Variants in RGS12 observed in about 807,000 individuals in gnomAD.
RGS12 encodes regulator of G-protein signaling 12.
Under a neutral mutation model 120.1 loss-of-function variants are expected in RGS12, and 66 were observed. The ratio of observed to expected loss-of-function variants is 0.55; its 90% CI spans 0.45 to 0.67. The LOEUF is 0.67. Ranked by LOEUF, RGS12 falls within the 30% of genes least tolerant of loss-of-function variation. RGS12 has a pLI of 0.00. For synonymous variants in RGS12, 827 were observed against 804.7 expected, an observed-to-expected ratio of 1.03 and a Z score of -0.47; for missense variants, 1,859 against 1,957.7, an observed-to-expected ratio of 0.95 and a Z score of 0.95.
In RGS12 at chr4:3,317,742, G is replaced by T; in HGVS notation, c.1572G>T (p.Arg524Ser). Residue 524 changes from arginine (R) to serine (S), a missense_variant, in exon 2 of 18, where the codon AGG becomes AGT. Physicochemically the swap from Arg to Ser is moderately radical, Grantham distance 110 (BLOSUM62 -1). Around this residue, in one of 3 missense-constraint regions of RGS12, gnomAD observed 967 missense variants for 994.2 expected, o/e 0.97. Coordinates refer to ENST00000336727, the MANE Select transcript of RGS12 (RefSeq NM_001394154.1). ...SLRSSVPPSKRGTVGAGCGFN... is the reference protein window; with the variant it reads ...SLRSSVPPSKSGTVGAGCGFN... ...GGAGCTCAGTCCCCCCTTCCAAGAG[G>T]GGCACCGTGGGTGCTGGCTGTGGTT... The T allele has an allele frequency of 1.2e-6, 2 of 1,613,550 alleles. No individual in the cohort carries two copies. The highest frequency in any genetic ancestry group is 1.7e-6 in the Non-Finnish European group (2 of 1,180,012).
chr4:3,363,101 G>C (rs907156847), intron 3 of RGS12, among the ~76,000 whole-genome samples: 2 of 151,408 alleles, frequency 1.3e-5, no homozygotes, highest in African/African-American at 4.9e-5. Context: ...GTGTGTATGT[G>C]AGTGTGTGTG....
At chr4:3,402,652 T>G (rs1236984778) in intron 4 of RGS12, among the ~76,000 whole-genome samples, 2 of 152,118 alleles carry the variant, frequency 1.3e-5, no homozygotes, top group African/African-American at 4.8e-5. Flanking sequence ...CTGCGTTGGG[T>G]GGCGTCCTCT....
chr4:3,302,709 C>T (rs1015615229), intron 1 of RGS12, among the ~76,000 whole-genome samples: 2 of 152,146 alleles, frequency 1.3e-5, no homozygotes, highest in African/African-American at 2.4e-5. Flanking sequence ...CAGGCACAGC[C>T]GGAGTGTGGG....
intron 1 of RGS12, among the ~76,000 whole-genome samples, chr4:3,300,121 A>G (rs928054533): frequency 2.0e-5 from 3 of 152,220 alleles, no homozygotes; most frequent in Admixed American, 2.0e-4. Context: ...GGTCACCATT[A>G]GCGATGGTGC....
intron 17 of RGS12, among the ~76,000 whole-genome samples, chr4:3,437,874 T>TCCGC (rs1209881566): frequency 6.6e-6 from 1 of 152,100 alleles, no homozygotes; most frequent in Non-Finnish European, 1.5e-5. Context: ...AGTCACACCT[T>TCCGC]CCGCCCGCAG....
intron 14 of RGS12, 46 bp downstream of exon 14, chr4:3,425,606 A>T: frequency 1.7e-6 from 2 of 1,169,332 alleles, no homozygotes; most frequent in Non-Finnish European, 2.3e-6. Context: ...GAGTGGGTCC[A>T]GTGCAGGGGA....
At chr4:3,437,171 G>A (rs1199082140) in intron 17 of RGS12, among the ~76,000 whole-genome samples, 1 of 152,190 alleles carries the variant, frequency 6.6e-6, no homozygotes, top group Non-Finnish European at 1.5e-5. Flanking sequence ...GCCTGGGGCT[G>A]GCTGCCCTGC....
chr4:3,308,730 C>CT (rs944981250), intron 1 of RGS12, among the ~76,000 whole-genome samples: 1 of 152,234 alleles, frequency 6.6e-6, no homozygotes, highest in Non-Finnish European at 1.5e-5. Flanking sequence ...CTGCTCAGGG[C>CT]TTGGTGGGCC....
Position 3,316,999 on chromosome 4 carries a change from A to G in RGS12, c.829A>G (p.Met277Val). 1.2e-6 allele frequency: 2 copies of G among 1,613,790 alleles called. No homozygotes were observed. Among genetic ancestry groups the G allele is most frequent in the Non-Finnish European group, 8.5e-7 (1 of 1,179,992 alleles). ...CCACTCGCTGGTGACCATGAAGATC[A>G]TGCACGACTGTGTGCAGCTGAGCAC... Reference protein sequence around the residue: ...KIHSLVTMKIMHDCVQLSTDK... With the variant: ...KIHSLVTMKIVHDCVQLSTDK... Residue 277 changes from methionine to valine, a missense_variant, in exon 2 of 18, where the codon ATG becomes GTG. Physicochemically the swap from Met to Val is conservative, Grantham distance 21. Transcript: ENST00000336727.
upstream of RGS12, among the ~76,000 whole-genome samples, chr4:3,290,372 GTCC>G (rs1722982305): frequency 6.6e-6 from 1 of 152,152 alleles, no homozygotes; most frequent in African/African-American, 2.4e-5. Flanking sequence ...AATAACTTCT[GTCC>G]TCTTCTCCCC....
chr4:3,333,148 C>T (rs1712058768), intron 2 of RGS12, among the ~76,000 whole-genome samples: 1 of 151,432 alleles, frequency 6.6e-6, no homozygotes, highest in East Asian at 1.9e-4. Context: ...CCCCAGGGTT[C>T]ACGCCATTCT....
intron 1 of RGS12, among the ~76,000 whole-genome samples, chr4:3,308,644 T>C (rs1179663809): frequency 6.6e-6 from 1 of 152,248 alleles, no homozygotes; most frequent in African/African-American, 2.4e-5. Context: ...CTTAGGTGTC[T>C]GGTGGCAGAT....
intron 3 of RGS12, among the ~76,000 whole-genome samples, chr4:3,377,617 T>A (rs1013393589): frequency 2.6e-5 from 4 of 152,344 alleles, no homozygotes; most frequent in Admixed American, 2.6e-4. Context: ...TTTTGTCTAG[T>A]GTTACTAACA....
chr4:3,341,045 G>A (rs2108767981), intron 2 of RGS12, among the ~76,000 whole-genome samples: 1 of 151,440 alleles, frequency 6.6e-6, no homozygotes, highest in Non-Finnish European at 1.5e-5. Context: ...GGCCTGGTGG[G>A]GGCCCAGTGG....
At chr4:3,420,438 G>A (rs558857114) in intron 9 of RGS12, 2 of 630,254 alleles carry the variant, frequency 3.2e-6, no homozygotes, top group African/African-American at 1.9e-5. Flanking sequence ...GTAGAGCCTT[G>A]TTGGTCCCTG....
chr4:3,302,832 G>T (rs1253512321), intron 1 of RGS12, among the ~76,000 whole-genome samples: 1 of 152,124 alleles, frequency 6.6e-6, no homozygotes, highest in African/African-American at 2.4e-5. Flanking sequence ...GTCGTGGGGG[G>T]AGGAGAGAGG....
chr4:3,383,483 T>C (rs1718477820), intron 3 of RGS12, among the ~76,000 whole-genome samples: 1 of 152,006 alleles, frequency 6.6e-6, no homozygotes, highest in Non-Finnish European at 1.5e-5. Context: ...GGTGAACTCC[T>C]GGATCCCAGC....
intron 3 of RGS12, among the ~76,000 whole-genome samples, chr4:3,377,593 G>A (rs1254610955): frequency 6.6e-6 from 1 of 152,150 alleles, no homozygotes; most frequent in Non-Finnish European, 1.5e-5. Context: ...GAAATTATGT[G>A]TTTTAATAAT....
rs1310647905 is a variant in RGS12 at position 3,337,137 on chromosome 4, AACAC to A, written c.1882-5796_1882-5793del. On this transcript the variant is annotated intron_variant, in intron 2 of 17. Coordinates refer to ENST00000336727, the MANE Select transcript of RGS12 (RefSeq NM_001394154.1). ...TCAATTATTAGGCCAGCGCCAACTA[AACAC>A]ACAGTGAGTCAGCACCTTACACTCC... Among the ~76,000 whole-genome samples the A allele has an allele frequency of 2.0e-5, 3 of 152,220 alleles. 1 individual carries two copies. Among genetic ancestry groups the A allele is most frequent in the Admixed American group, 2.0e-4 (3 of 15,288 alleles).
Sources: allele counts gnomAD v4.1 joint callset (sites outside exome capture counted in the v4.1 genomes callset), GRCh38; gene constraint gnomAD v4.1.1; regional missense constraint gnomAD v4.1.1; transcripts MANE v1.5; gene names NCBI Gene and HGNC (gene_info 2026-07-23, HGNC 2026-07-21).